Variants in TBCA observed in about 807,000 individuals in gnomAD.
The protein encoded by TBCA is tubulin-specific chaperone A.
Under a neutral mutation model 15.8 loss-of-function variants are expected in TBCA, and 6 were observed. The ratio of observed to expected loss-of-function variants is 0.38; its 90% confidence interval spans 0.21 to 0.75. The LOEUF is 0.75. Ranked by LOEUF, TBCA falls within the 30% of genes least tolerant of loss-of-function variation. The pLI is 0.46. For missense variants in TBCA, 90 were observed against 131.2 expected (o/e 0.69, Z 1.53); for synonymous variants, 32 against 42.3 (o/e 0.76, Z 0.94).
intron 1 of TBCA, among the ~76,000 whole-genome samples, chr5:77,733,770 GAAC>G (rs1746831151): frequency 6.6e-6 from 1 of 152,216 alleles, no homozygotes. Flanking sequence ...TGGCTATGCT[GAAC>G]AACAGATTTT....
At chr5:77,724,679 T>TA (rs943601028) in intron 1 of TBCA, among the ~76,000 whole-genome samples, 2 of 152,164 alleles carry the variant, frequency 1.3e-5, no homozygotes, top group African/African-American at 4.8e-5. Context: ...CAAAAGCTAC[T>TA]AGAAGTTTAT....
intron 1 of TBCA, among the ~76,000 whole-genome samples, chr5:77,763,831 G>A (rs1418712668): frequency 6.6e-6 from 1 of 152,220 alleles, no homozygotes; most frequent in Admixed American, 6.5e-5. Flanking sequence ...ACTAAGATAC[G>A]CATCTTACAA....
In TBCA at chr5:77,693,253, A is replaced by T. The variant is rs1745796979; in HGVS notation, c.246+13T>A. On this transcript the variant is annotated intron_variant, in intron 3 of 3. Transcript: ENST00000380377. ...AAAAAAAATTTAAACATGACACAGA[A>T]GTCTTTGCTTACTAGTATCCGTTGA... is the stretch of plus-strand genomic sequence containing the variant. 1.9e-6 allele frequency: 3 copies of T among 1,613,432 alleles called. No homozygotes were observed. The highest frequency in any genetic ancestry group is 2.5e-6 in the Non-Finnish European group (3 of 1,179,818).
intron 2 of TBCA, among the ~76,000 whole-genome samples, chr5:77,697,917 C>T (rs1259631832): frequency 6.6e-6 from 1 of 151,760 alleles, no homozygotes; most frequent in Non-Finnish European, 1.5e-5. Context: ...ATCGCTTGAG[C>T]CCAGGAATTC....
At chr5:77,711,304 A>G (rs755276347) in intron 1 of TBCA, among the ~76,000 whole-genome samples, 2 of 152,204 alleles carry the variant, frequency 1.3e-5, no homozygotes, top group Non-Finnish European at 2.9e-5. Flanking sequence ...TATGGCCTGC[A>G]AAACCTAAAA....
chr5:77,757,506 G>GCAA (rs984371561), intron 1 of TBCA, among the ~76,000 whole-genome samples: 2 of 152,262 alleles, frequency 1.3e-5, no homozygotes, highest in African/African-American at 4.8e-5. Flanking sequence ...GAGTTGTACA[G>GCAA]CAACAACAAC....
In TBCA at chr5:77,727,818, C is replaced by T. The variant is rs181574620; in HGVS notation, c.54-19471G>A. On this transcript the variant is annotated intron_variant, in intron 1 of 3. Transcript: ENST00000380377. ...AGTAAAAGAAAAGACAATAGTTGGC[C>T]TAATAAGACAAAGTCCAAAATACAT... Among the ~76,000 whole-genome samples, 67 of 152,092 alleles carry T rather than the reference C, an allele frequency of 4.4e-4. 1 individual carries two copies. In the Middle Eastern group the frequency reaches 0.017, roughly 39 times the overall value.
intron 1 of TBCA, among the ~76,000 whole-genome samples, chr5:77,758,320 G>C (rs1170958559): frequency 6.6e-6 from 1 of 152,196 alleles, no homozygotes; most frequent in African/African-American, 2.4e-5. Context: ...ATCAACTCAC[G>C]ACTTAGAACC....
intron 1 of TBCA, among the ~76,000 whole-genome samples, chr5:77,737,421 T>C (rs1049371947): frequency 6.6e-6 from 1 of 152,182 alleles, no homozygotes; most frequent in East Asian, 1.9e-4. Context: ...CTAAAGAAAG[T>C]ACAGTATTCC....
At chr5:77,727,376 A>G (rs1319827659) in intron 1 of TBCA, among the ~76,000 whole-genome samples, 1 of 152,180 alleles carries the variant, frequency 6.6e-6, no homozygotes, top group East Asian at 1.9e-4. Context: ...ACAACATTGT[A>G]GAGTGGAAAC....
intron 1 of TBCA, among the ~76,000 whole-genome samples, chr5:77,754,661 A>G (rs1481331738): frequency 3.3e-5 from 5 of 152,208 alleles, no homozygotes; most frequent in Non-Finnish European, 7.3e-5. Context: ...TTTTACCAGT[A>G]ATTCAAGATA....
chr5:77,774,655 T>C (rs1313939625), intron 1 of TBCA, among the ~76,000 whole-genome samples: 1 of 152,218 alleles, frequency 6.6e-6, no homozygotes, highest in Non-Finnish European at 1.5e-5. Flanking sequence ...TATTGATTGA[T>C]GTCTTCTGTC....
chr5:77,741,774 G>C (rs921989214), intron 1 of TBCA, among the ~76,000 whole-genome samples: 1 of 152,010 alleles, frequency 6.6e-6, no homozygotes, highest in African/African-American at 2.4e-5. Context: ...TTTAGAGTTG[G>C]CCCTTGGCTC....
At chr5:77,710,436 G>A (rs995990691) in intron 1 of TBCA, among the ~76,000 whole-genome samples, 1 of 152,114 alleles carries the variant, frequency 6.6e-6, no homozygotes, top group Non-Finnish European at 1.5e-5. Flanking sequence ...CCTTTAAATA[G>A]TAAAAGAAAC....
intron 2 of TBCA, chr5:77,705,458 G>C (rs1006524204): frequency 1.0e-4 from 40 of 394,760 alleles, no homozygotes; most frequent in Non-Finnish European, 1.7e-4. Flanking sequence ...AGGTACAAAA[G>C]CAGTATATAT....
At chr5:77,699,427 C>T (rs987474722) in intron 2 of TBCA, among the ~76,000 whole-genome samples, 22 of 152,082 alleles carry the variant, frequency 1.4e-4, no homozygotes, top group Admixed American at 1.2e-3. Context: ...CAAAAGTAAA[C>T]CCACACAAAT....
intron 1 of TBCA, among the ~76,000 whole-genome samples, chr5:77,734,557 G>A (rs1339147925): frequency 6.6e-6 from 1 of 152,150 alleles, no homozygotes; most frequent in Non-Finnish European, 1.5e-5. Flanking sequence ...TGACCAAACG[G>A]CTACAGTCTC....
At chr5:77,692,729 T>C (rs1745782292) in intron 3 of TBCA, 1 of 991,010 alleles carries the variant, frequency 1.0e-6, no homozygotes, top group South Asian at 4.6e-5. Context: ...TCCTGCTTTA[T>C]CTACCTTCTG....
intron 1 of TBCA, among the ~76,000 whole-genome samples, chr5:77,775,922 T>A (rs1343831146): frequency 6.6e-6 from 1 of 152,052 alleles, no homozygotes; most frequent in East Asian, 1.9e-4. Flanking sequence ...GCCCACCACC[T>A]TCCCACCGCG....
Sources: allele counts gnomAD v4.1 joint callset (sites outside exome capture counted in the v4.1 genomes callset), GRCh38; gene constraint gnomAD v4.1.1; transcripts MANE v1.5; gene names NCBI Gene and HGNC (gene_info 2026-07-23, HGNC 2026-07-21).